Variants in FOCAD observed in about 807,000 individuals in gnomAD.
FOCAD encodes the protein focadhesin, also known as KIAA1797.
Under a neutral mutation model 225.6 loss-of-function variants are expected in FOCAD, and 198 were observed. The observed-to-expected ratio is 0.88, with a 90% CI of 0.78 to 0.99. The LOEUF (loss-of-function observed/expected upper bound fraction) is 0.99. FOCAD is among the 50% of genes least tolerant of loss of function. The pLI, the probability that FOCAD is intolerant of heterozygous loss-of-function variation, is 0.00. For missense variants in FOCAD, 2,713 were observed against 2,123.6 expected, an observed-to-expected ratio of 1.28 and a Z score of -5.46; for synonymous variants, 897 against 755.0, an observed-to-expected ratio of 1.19 and a Z score of -3.08.
intron 2 of FOCAD, among the ~76,000 whole-genome samples, chr9:20,673,949 C>A (rs1415705821): frequency 6.6e-6 from 1 of 152,164 alleles, no homozygotes; most frequent in Non-Finnish European, 1.5e-5. Flanking sequence ...CCTCTTTACT[C>A]TTAATTAGTT....
chr9:20,983,398 C>T (rs1205127929), intron 39 of FOCAD, among the ~76,000 whole-genome samples: 1 of 151,750 alleles, frequency 6.6e-6, no homozygotes, highest in Admixed American at 6.6e-5. Flanking sequence ...ATGGTGAAAC[C>T]CCGTCTCTAC....
At chr9:20,915,626 A>C (rs1447733440) in intron 23 of FOCAD, among the ~76,000 whole-genome samples, 1 of 152,174 alleles carries the variant, frequency 6.6e-6, no homozygotes, top group Non-Finnish European at 1.5e-5. Flanking sequence ...GAGAGTCATC[A>C]AGCATAATCT....
At chr9:20,889,258 A>G (rs897801536) in intron 21 of FOCAD, among the ~76,000 whole-genome samples, 6 of 152,120 alleles carry the variant, frequency 3.9e-5, no homozygotes, top group Non-Finnish European at 7.4e-5. Context: ...GGCTTCTTTC[A>G]CTTAGTATAA....
chr9:20,924,436 T>C (rs1244883445), intron 25 of FOCAD, among the ~76,000 whole-genome samples: 2 of 152,196 alleles, frequency 1.3e-5, no homozygotes, highest in Non-Finnish European at 2.9e-5. Context: ...TTGTAGCAAT[T>C]TCCTCTTTCA....
At chr9:20,754,248 C>T (rs976407244) in intron 5 of FOCAD, among the ~76,000 whole-genome samples, 3 of 152,118 alleles carry the variant, frequency 2.0e-5, no homozygotes, top group Admixed American at 6.6e-5. Context: ...CAAGACTGAG[C>T]AATACTTAGC....
At chr9:20,982,311 T>C (rs1169206261) in intron 38 of FOCAD, 46 bp from the exon 39 acceptor site, 1 of 1,336,712 alleles carries the variant, frequency 7.5e-7, no homozygotes, top group East Asian at 2.3e-5. Flanking sequence ...TTTTGACCTG[T>C]TATTTTACAC....
intron 15 of FOCAD, among the ~76,000 whole-genome samples, chr9:20,824,911 A>T (rs1824709590): frequency 1.3e-5 from 2 of 152,062 alleles, no homozygotes; most frequent in African/African-American, 4.8e-5. Flanking sequence ...AAACTATTTT[A>T]TTGATGCTTA....
chr9:20,856,240 C>A (rs1265688878), intron 15 of FOCAD, among the ~76,000 whole-genome samples: 1 of 151,956 alleles, frequency 6.6e-6, no homozygotes, highest in African/African-American at 2.4e-5. Context: ...TCCCCTTTCT[C>A]CACATTCTCA....
At chr9:20,921,743 A>T (rs1834454196) in intron 24 of FOCAD, among the ~76,000 whole-genome samples, 1 of 152,232 alleles carries the variant, frequency 6.6e-6, no homozygotes, top group African/African-American at 2.4e-5. Context: ...ATTACTTAAG[A>T]ACAATACATA....
At chr9:20,958,718 C>G (rs1838427402) in intron 35 of FOCAD, among the ~76,000 whole-genome samples, 1 of 152,090 alleles carries the variant, frequency 6.6e-6, no homozygotes, top group Non-Finnish European at 1.5e-5. Context: ...TCTAAGTATT[C>G]TCTCTTCTAC....
At chr9:20,721,146 T>A (rs1825738180) in intron 4 of FOCAD, among the ~76,000 whole-genome samples, 1 of 152,206 alleles carries the variant, frequency 6.6e-6, no homozygotes. Context: ...AGTGAGCCTC[T>A]GTTATAAAAT....
At chr9:20,951,518 A>G (rs1837685918) in intron 34 of FOCAD, among the ~76,000 whole-genome samples, 1 of 152,144 alleles carries the variant, frequency 6.6e-6, no homozygotes, top group Non-Finnish European at 1.5e-5. Flanking sequence ...TTATTTTACT[A>G]GATGTAATGG....
At chr9:20,976,197 A>T (rs1047375765) in intron 35 of FOCAD, 1 of 249,320 alleles carries the variant, frequency 4.0e-6, no homozygotes, top group Non-Finnish European at 7.8e-6. Context: ...ATTATATATT[A>T]TTGAAAAATT....
chr9:20,866,769 G>T (rs1829298865), intron 17 of FOCAD, among the ~76,000 whole-genome samples, 160 bp from the exon 18 acceptor site: 1 of 151,434 alleles, frequency 6.6e-6, no homozygotes, highest in African/African-American at 2.4e-5. Context: ...TTTTAGCTAG[G>T]CAAAGCTTTA....
chr9:20,670,427 T>C (rs957891868), intron 2 of FOCAD, among the ~76,000 whole-genome samples: 4 of 152,208 alleles, frequency 2.6e-5, no homozygotes, highest in Non-Finnish European at 5.9e-5. Context: ...TCTGCATGGC[T>C]GGGGAGGCCT....
At position 20,986,422 on chromosome 9, in the gene FOCAD, G is replaced by A. The variant is rs556682582; in HGVS notation, c.4863G>A (p.Leu1621=). Residue 1621 remains leucine, a synonymous_variant, in exon 40 of 44, where the codon CTG becomes CTA. Transcript: ENST00000338382. ...AAGAGGTGTTGGCCTGGATGATTCT[G>A]CACAGCTTATACCAGGCACGGATTG... The part of the protein sequence containing the change: ...REKEVLAWMI[L]HSLYQARIVS... 33 of 1,613,016 alleles carry A rather than the reference G, an allele frequency of 2.0e-5. No homozygotes were observed. Among genetic ancestry groups the A allele is most frequent in the Non-Finnish European group, 2.7e-5 (32 of 1,179,722 alleles).
chr9:20,929,109 G>A (rs1393877811), intron 26 of FOCAD: 5 of 405,088 alleles, frequency 1.2e-5, no homozygotes, highest in South Asian at 4.0e-5. Context: ...CCTTTAAAAG[G>A]AAGACGCTTG....
intron 22 of FOCAD, among the ~76,000 whole-genome samples, chr9:20,910,820 A>C (rs1833379254): frequency 6.6e-6 from 1 of 152,078 alleles, no homozygotes; most frequent in South Asian, 2.1e-4. Flanking sequence ...GGCAGGGATT[A>C]ATAAGGGAGA....
intron 1 of FOCAD, among the ~76,000 whole-genome samples, chr9:20,707,125 G>C (rs1179862551): frequency 6.6e-6 from 1 of 152,174 alleles, no homozygotes; most frequent in African/African-American, 2.4e-5. Flanking sequence ...AACAGATATT[G>C]GTGGATAAAT....
Sources: gnomAD v4.1 joint callset for allele counts (sites outside exome capture counted in the v4.1 genomes callset) on GRCh38, gnomAD v4.1.1 for gene constraint, MANE v1.5 for transcripts, NCBI Gene and HGNC (gene_info 2026-07-23, HGNC 2026-07-21) for gene names.